SLC10A7: variants seen among roughly 807,000 people sequenced by gnomAD.
SLC10A7 encodes the protein sodium/bile acid cotransporter 7.
A neutral mutation model predicts 43.2 loss-of-function variants in SLC10A7; 29 were observed. That is an observed-to-expected ratio of 0.67 (90% CI 0.50 to 0.92). The LOEUF is 0.92. Among genes scored for constraint, SLC10A7 ranks in the 40% least tolerant of loss-of-function variants. The probability of loss-of-function intolerance (pLI) is 0.00; values close to 1 mark genes in which losing one functional copy is unlikely to be tolerated. For missense variants in SLC10A7, 295 were observed against 403.2 expected (o/e 0.73, Z 2.30); for synonymous variants, 152 against 144.8 (o/e 1.05, Z -0.35).
intron 4 of SLC10A7, among the ~76,000 whole-genome samples, chr4:146,481,577 C>G (rs1359048983): frequency 6.6e-6 from 1 of 152,234 alleles, no homozygotes; most frequent in East Asian, 1.9e-4. Context: ...GCCTCTGGAG[C>G]ACCCCTTCTT....
In SLC10A7 at chr4:146,254,095, C is replaced by A. The variant is rs1727779972; in HGVS notation, c.*2396G>T. On this transcript the variant is annotated 3_prime_UTR_variant, in exon 12 of 12. Coordinates refer to ENST00000335472, the MANE Select transcript of SLC10A7 (RefSeq NM_001029998.6). Reference sequence around the variant, plus strand: ...CCTTTTGAAAAAATTTGGTATTTAGCACAAACACTGAACATTAGCTAGAGG... The same window carrying A: ...CCTTTTGAAAAAATTTGGTATTTAGAACAAACACTGAACATTAGCTAGAGG... The A allele has an allele frequency of 6.6e-6, 1 of 151,904 alleles. No homozygotes were observed. Among genetic ancestry groups the A allele is most frequent in the Admixed American group, 6.6e-5 (1 of 15,242 alleles). 9.4% of individuals were successfully genotyped at this position (151,904 alleles called of 1,614,324 possible).
chr4:146,336,679 C>A (rs1447004643), intron 5 of SLC10A7, among the ~76,000 whole-genome samples: 1 of 151,988 alleles, frequency 6.6e-6, no homozygotes, highest in Non-Finnish European at 1.5e-5. Flanking sequence ...ATTTACTTTA[C>A]CATTTCTAAT....
At chr4:146,268,203 T>C (rs1419866126) in intron 10 of SLC10A7, among the ~76,000 whole-genome samples, 1 of 152,198 alleles carries the variant, frequency 6.6e-6, no homozygotes, top group African/African-American at 2.4e-5. Context: ...CAAACTTCTT[T>C]TCTGGTGTAG....
intron 4 of SLC10A7, among the ~76,000 whole-genome samples, chr4:146,464,356 A>G (rs1302863396): frequency 6.6e-6 from 1 of 152,216 alleles, no homozygotes; most frequent in African/African-American, 2.4e-5. Flanking sequence ...AGATACACAT[A>G]AAAACATTAA....
chr4:146,386,494 CT>C (rs1321772127), intron 5 of SLC10A7, among the ~76,000 whole-genome samples: 1 of 152,196 alleles, frequency 6.6e-6, no homozygotes, highest in Non-Finnish European at 1.5e-5. Context: ...CTCTCTGTTA[CT>C]TGCAAACTGT....
chr4:146,453,090 G>A (rs1204051603), intron 4 of SLC10A7, among the ~76,000 whole-genome samples: 1 of 151,696 alleles, frequency 6.6e-6, no homozygotes, highest in Non-Finnish European at 1.5e-5. Flanking sequence ...TGTTTGACAT[G>A]AGGAGCAAGC....
chr4:146,266,547 G>A (rs1240841539), intron 10 of SLC10A7, among the ~76,000 whole-genome samples: 1 of 152,014 alleles, frequency 6.6e-6, no homozygotes, highest in Non-Finnish European at 1.5e-5. Context: ...TAAACAAAGG[G>A]GCAATTATAC....
At chr4:146,463,902 C>A (rs1027327234) in intron 4 of SLC10A7, among the ~76,000 whole-genome samples, 1 of 150,206 alleles carries the variant, frequency 6.7e-6, no homozygotes, top group Non-Finnish European at 1.5e-5. Flanking sequence ...CAGTTCACTG[C>A]AGTCTCAATC....
At chr4:146,401,638 G>C (rs1372893437) in intron 5 of SLC10A7, among the ~76,000 whole-genome samples, 1 of 152,012 alleles carries the variant, frequency 6.6e-6, no homozygotes, top group Non-Finnish European at 1.5e-5. Flanking sequence ...CTGTGGATGA[G>C]GAAACAGTGA....
At chr4:146,447,402 C>T (rs1352487035) in intron 4 of SLC10A7, among the ~76,000 whole-genome samples, 3 of 152,118 alleles carry the variant, frequency 2.0e-5, no homozygotes, top group African/African-American at 7.2e-5. Context: ...AGTCACCATA[C>T]CCAGCTTGAT....
At chr4:146,420,292 T>A (rs1431117720) in intron 5 of SLC10A7, among the ~76,000 whole-genome samples, 2 of 152,236 alleles carry the variant, frequency 1.3e-5, no homozygotes, top group African/African-American at 2.4e-5. Context: ...CCGGTTTTTG[T>A]TCATGATGCT....
chr4:146,487,814 G>A (rs978291562), intron 4 of SLC10A7, among the ~76,000 whole-genome samples: 6 of 152,170 alleles, frequency 3.9e-5, no homozygotes, highest in African/African-American at 1.4e-4. Context: ...GGGAGGCCAA[G>A]GTAGGAGGAT....
At chr4:146,432,291 T>C (rs931038049) in intron 5 of SLC10A7, among the ~76,000 whole-genome samples, 4 of 152,078 alleles carry the variant, frequency 2.6e-5, no homozygotes, top group Non-Finnish European at 5.9e-5. Flanking sequence ...CCAAGAGAAA[T>C]AAAAACATAT....
At chr4:146,469,716 C>A (rs1156408887) in intron 4 of SLC10A7, among the ~76,000 whole-genome samples, 4 of 152,142 alleles carry the variant, frequency 2.6e-5, no homozygotes, top group African/African-American at 9.7e-5. Context: ...GCAGCCTCAA[C>A]CTCCCAGGCT....
chr4:146,507,376 A>G (rs951216460), intron 3 of SLC10A7, among the ~76,000 whole-genome samples: 6 of 152,122 alleles, frequency 3.9e-5, no homozygotes, highest in Admixed American at 6.5e-5. Flanking sequence ...CCTGGCCAAC[A>G]TGGTGAAACC....
chr4:146,390,940 G>A (rs1193510173), intron 5 of SLC10A7, among the ~76,000 whole-genome samples: 2 of 152,256 alleles, frequency 1.3e-5, no homozygotes, highest in South Asian at 2.1e-4. Context: ...CTAACGCTCA[G>A]AGCAACTTGA....
chr4:146,429,257 G>T (rs918162968), intron 5 of SLC10A7, among the ~76,000 whole-genome samples: 4 of 151,968 alleles, frequency 2.6e-5, no homozygotes, highest in South Asian at 4.1e-4. Context: ...CAAAAAGATG[G>T]GATTTTTGTC....
chr4:146,372,064 C>T (rs1736821188), intron 5 of SLC10A7, among the ~76,000 whole-genome samples: 2 of 152,228 alleles, frequency 1.3e-5, no homozygotes, highest in Admixed American at 1.3e-4. Flanking sequence ...GCATCAGAAT[C>T]CCTTAGGGAA....
chr4:146,367,212 T>G (rs992829544), intron 5 of SLC10A7, among the ~76,000 whole-genome samples: 6 of 152,130 alleles, frequency 3.9e-5, no homozygotes, highest in Non-Finnish European at 8.8e-5. Flanking sequence ...GTTAAAATTG[T>G]AACTAAAACC....
Sources: gnomAD v4.1 joint callset for allele counts (sites outside exome capture counted in the v4.1 genomes callset) on GRCh38, gnomAD v4.1.1 for gene constraint, MANE v1.5 for transcripts, NCBI Gene and HGNC (gene_info 2026-07-23, HGNC 2026-07-21) for gene names.